AKAP19: variants seen among roughly 807,000 people sequenced by gnomAD.
AKAP19 encodes small A-kinase anchoring protein.
the AKAP19 span, among the ~76,000 whole-genome samples, chr2:189,965,321 A>G: frequency 2.0e-5 from 3 of 152,330 alleles, no homozygotes; most frequent in East Asian, 5.8e-4. Context: ...CATAAGACAT[A>G]TAATAATAAT....
At chr2:190,115,174 GGAGAGAGACAGAGAGAGAGAGACA>G in the AKAP19 span, among the ~76,000 whole-genome samples, 5 of 135,256 alleles carry the variant, frequency 3.7e-5, no homozygotes, top group African/African-American at 1.4e-4. Context: ...TGTGTGAGGG[GGAGAGAGACAGAGAGAGAGAGACA>G]GAGAGAGACA....
chr2:189,996,270 T>G, the AKAP19 span, among the ~76,000 whole-genome samples: 21 of 152,192 alleles, frequency 1.4e-4, no homozygotes, highest in East Asian at 5.8e-4. Flanking sequence ...TCCCAATTTT[T>G]GGGGGAGCTT....
chr2:190,063,558 G>A, the AKAP19 span, among the ~76,000 whole-genome samples: 2,834 of 152,236 alleles, frequency 0.019, 95 homozygotes, highest in African/African-American at 0.065. Context: ...GATTATTACA[G>A]TTTGCCTCAG....
At chr2:190,037,973 C>T in the AKAP19 span, among the ~76,000 whole-genome samples, 3 of 152,098 alleles carry the variant, frequency 2.0e-5, no homozygotes, top group Non-Finnish European at 4.4e-5. Flanking sequence ...GTCCCTCCAC[C>T]CCCATGTTGC....
chr2:190,161,673 T>C, the AKAP19 span, among the ~76,000 whole-genome samples: 3 of 152,308 alleles, frequency 2.0e-5, no homozygotes, highest in Admixed American at 6.5e-5. Flanking sequence ...CAGACGCTTA[T>C]GCAGAAGCAG....
the AKAP19 span, among the ~76,000 whole-genome samples, chr2:190,151,563 G>GTATTCCATGGTGTATATGTACCAC: frequency 1.3e-5 from 2 of 152,312 alleles, no homozygotes; most frequent in African/African-American, 4.8e-5. Context: ...TGGCTGCATA[G>GTATTCCATGGTGTATATGTACCAC]TATTCCATGG....
At chr2:190,001,639 T>C in the AKAP19 span, among the ~76,000 whole-genome samples, 1 of 152,204 alleles carries the variant, frequency 6.6e-6, no homozygotes, top group Middle Eastern at 3.2e-3. Context: ...CTACCATCAA[T>C]TGGCAGAGAT....
At chr2:190,001,199 C>T in the AKAP19 span, among the ~76,000 whole-genome samples, 1 of 152,048 alleles carries the variant, frequency 6.6e-6, no homozygotes, top group East Asian at 1.9e-4. Context: ...TATTGAGAAT[C>T]TCTATCTGTT....
the AKAP19 span, among the ~76,000 whole-genome samples, chr2:189,953,659 A>C: frequency 3.5e-4 from 51 of 145,422 alleles, no homozygotes; most frequent in East Asian, 1.0e-3. Context: ...AAAAAAAAAA[A>C]CAAAGACTTT....
At chr2:190,057,123 C>T in the AKAP19 span, 4,301 of 862,534 alleles carry the variant, frequency 5.0e-3, 131 homozygotes, top group African/African-American at 0.065. Context: ...TTTTAGTTTA[C>T]ATACTGTAGC....
the AKAP19 span, among the ~76,000 whole-genome samples, chr2:189,921,774 G>A: frequency 6.6e-6 from 1 of 152,152 alleles, no homozygotes; most frequent in African/African-American, 2.4e-5. Flanking sequence ...ATGATCAGCT[G>A]GCAGTCAGGA....
chr2:190,074,506 C>T, the AKAP19 span, among the ~76,000 whole-genome samples: 2 of 152,042 alleles, frequency 1.3e-5, no homozygotes, highest in African/African-American at 4.8e-5. Flanking sequence ...CAAAAATTAG[C>T]TGGGCGTGGT....
the AKAP19 span, among the ~76,000 whole-genome samples, chr2:189,960,244 T>A: frequency 2.0e-5 from 3 of 152,212 alleles, no homozygotes; most frequent in Non-Finnish European, 4.4e-5. Flanking sequence ...CTTATAAGGT[T>A]TCTGAGGGAG....
chr2:189,990,084 C>A, the AKAP19 span, among the ~76,000 whole-genome samples: 1 of 152,128 alleles, frequency 6.6e-6, no homozygotes, highest in Non-Finnish European at 1.5e-5. Context: ...GAAGAAAACA[C>A]AGTTTACTTT....
the AKAP19 span, among the ~76,000 whole-genome samples, chr2:189,934,214 G>A: frequency 4.6e-5 from 7 of 152,024 alleles, no homozygotes; most frequent in Non-Finnish European, 1.0e-4. Flanking sequence ...ATAGTAGTGT[G>A]AAGAAGAGTG....
the AKAP19 span, among the ~76,000 whole-genome samples, chr2:190,004,651 C>T: frequency 1.3e-5 from 2 of 151,202 alleles, no homozygotes; most frequent in African/African-American, 4.9e-5. Flanking sequence ...TTTATGTTCT[C>T]ATCTATCATT....
At chr2:189,933,941 A>T in the AKAP19 span, among the ~76,000 whole-genome samples, 1 of 152,090 alleles carries the variant, frequency 6.6e-6, no homozygotes, top group African/African-American at 2.4e-5. Flanking sequence ...TGATTGCCCA[A>T]AAAGCTGATC....
chr2:189,965,333 A>G, the AKAP19 span, among the ~76,000 whole-genome samples: 7 of 152,230 alleles, frequency 4.6e-5, no homozygotes, highest in African/African-American at 1.4e-4. Context: ...AATAATAATG[A>G]AAAAGATTGA....
the AKAP19 span, among the ~76,000 whole-genome samples, chr2:190,102,332 A>T: frequency 6.9e-6 from 1 of 145,594 alleles, no homozygotes; most frequent in Non-Finnish European, 1.5e-5. Context: ...AGGAATAACT[A>T]AAAAAAAAGA....
Sources: allele counts gnomAD v4.1 joint callset (sites outside exome capture counted in the v4.1 genomes callset), GRCh38; gene constraint gnomAD v4.1.1; transcripts MANE v1.5; gene names NCBI Gene and HGNC (gene_info 2026-07-23, HGNC 2026-07-21).